The following ARHGAP30 variants were observed in gnomAD, a reference collection of about 807,000 sequenced individuals.
The protein encoded by ARHGAP30 is Rho GTPase activating protein 30.
ARHGAP30 carries 23 observed loss-of-function variants against 72.0 expected under a neutral mutation model. The observed-to-expected ratio is 0.32, with a 90% confidence interval of 0.23 to 0.45. The LOEUF is 0.45. Ranked by LOEUF, ARHGAP30 falls within the 20% of genes least tolerant of loss-of-function variation. The pLI is 1.00. For synonymous variants in ARHGAP30, 576 were observed against 528.2 expected (o/e 1.09, Z -1.24); for missense variants, 1,319 against 1,383.4 (o/e 0.95, Z 0.74).
At chr1:161,057,112 T>C (rs1156759289) in intron 2 of ARHGAP30, among the ~76,000 whole-genome samples, 1 of 151,988 alleles carries the variant, frequency 6.6e-6, no homozygotes, top group African/African-American at 2.4e-5. Context: ...ATTCCAAACA[T>C]ATAAAGAACT....
At position 161,052,885 on chromosome 1, in the gene ARHGAP30, A is replaced by G. The variant is rs190058148; in HGVS notation, c.665-88T>C. 616 of 1,485,014 alleles carry G rather than the reference A, an allele frequency of 4.1e-4. 1 individual carries two copies. The African/African-American group carries it at 7.9e-3, about 19-fold the overall frequency. 92.0% of individuals were successfully genotyped at this position (1,485,014 alleles called of 1,614,324 possible). ...AATCCTTCATCACCCCTCGCCAACT[A>G]CCAGGTTAGGGATATATTCAGAAGC... On this transcript the variant is annotated intron_variant, in intron 6 of 11. Coordinates refer to ENST00000368013, the MANE Select transcript of ARHGAP30 (RefSeq NM_001025598.2).
Position 161,052,271 on chromosome 1 carries a change from CA to C in ARHGAP30, c.1018+14del. 6.2e-7 allele frequency: 1 copy of C among 1,613,554 alleles called. No homozygotes were observed. The highest frequency in any genetic ancestry group is 1.1e-5 in the South Asian group (1 of 91,078). On this transcript the variant is annotated intron_variant, in intron 9 of 11. Transcript: ENST00000368013. ...GCACACACACATACACACAGAAATG[CA>C]CCCCTATACTCACCATCACTGGCCC...
rs1372143239 is a variant in ARHGAP30, at chr1:161,069,362, C to A, written c.97+166G>T. ...GAGCCGCCCTGCCTTCTTCACTGAGCCACATTTCCTGTCTTGCCCACTTAC... is the reference window on the plus strand; with the variant it reads ...GAGCCGCCCTGCCTTCTTCACTGAGACACATTTCCTGTCTTGCCCACTTAC... On this transcript the variant is annotated intron_variant, in intron 1 of 11. Transcript: ENST00000368013. The surrounding 1 kb of genome is among the most constrained non-coding windows in gnomAD (Gnocchi z 4.9). Among the ~76,000 whole-genome samples the A allele has an allele frequency of 6.6e-6, 1 of 152,144 alleles. No homozygotes were observed. Among genetic ancestry groups the A allele is most frequent in the Non-Finnish European group, 1.5e-5 (1 of 68,012 alleles).
At position 161,055,940 on chromosome 1, in the gene ARHGAP30, ATAAAATAAAATAAAAT is replaced by A. The variant is rs1319427219; in HGVS notation, c.345+432_345+447del. The stretch of plus-strand genomic sequence containing the variant: ...TAAAATAAAATAAAATAAAATAAAT[ATAAAATAAAATAAAAT>A]ACCAAAGATGTTCAACGCATAATTA... On this transcript the variant is annotated intron_variant, in intron 3 of 11. Transcript: ENST00000368013. Among the ~76,000 whole-genome samples the A allele has an allele frequency of 5.5e-3, 556 of 100,872 alleles. 32 individuals are homozygous for A. The highest frequency in any genetic ancestry group is 0.032 in the African/African-American group (459 of 14,430). The allele number at this position is 100,872 out of a possible 152,430, so 66.2% of individuals were successfully genotyped here.
At chr1:161,067,462 CT>C (rs750957274) in intron 1 of ARHGAP30, among the ~76,000 whole-genome samples, 15 of 151,992 alleles carry the variant, frequency 9.9e-5, no homozygotes, top group African/African-American at 1.5e-4. Flanking sequence ...CCCAGCTACT[CT>C]GGAGGCTGAG....
Position 161,047,877 on chromosome 1 carries a change from G to T in ARHGAP30, c.3144C>A (p.Ser1048Arg), listed in dbSNP as rs1220142637. 7 of 1,611,720 alleles carry T rather than the reference G, an allele frequency of 4.3e-6. No homozygotes were observed. In the African/African-American group the frequency reaches 9.4e-5, roughly 22 times the overall value. ...MISAHSPRPL[S>R]CLELPSEGAE... is the part of the protein sequence containing the mutation. ...CACCTTCAGATGGGAGCTCCAGGCA[G>T]CTAAGGGGCCGAGGAGAATGGGCAG... Residue 1048 changes from serine (S) to arginine (R), a missense_variant, in exon 12 of 12, where the codon AGC becomes AGA. By Grantham distance (110) the Ser-to-Arg change is moderately radical. This residue lies in a region of ARHGAP30 where 1,097 missense variants were observed against 1,045.2 expected (regional missense o/e 1.05). Coordinates refer to ENST00000368013, the MANE Select transcript of ARHGAP30 (RefSeq NM_001025598.2).
Position 161,054,613 on chromosome 1 carries a change from T to C in ARHGAP30, c.428+10A>G. The stretch of plus-strand genomic sequence containing the variant: ...CTCAGGTTGCTGGGCAGATATGGAG[T>C]GTCACATACCTGTAGTTTGGGACAG... On this transcript the variant is annotated intron_variant, in intron 4 of 11. Coordinates refer to ENST00000368013, the MANE Select transcript of ARHGAP30 (RefSeq NM_001025598.2). The C allele has an allele frequency of 6.2e-7, 1 of 1,613,334 alleles. No homozygotes were observed. The highest frequency in any genetic ancestry group is 8.5e-7 in the Non-Finnish European group (1 of 1,179,446).
In ARHGAP30 at chr1:161,048,827, T is replaced by C. The variant is rs1226374326; in HGVS notation, c.2194A>G (p.Lys732Glu). ...TCTCCTCCTGGTTCCTCCACACCTT[T>C]AGCCTCCATACTGTCAGCCTTCTTC... ...GQKKADSMEAKGVEEPGGDEY... is the reference protein window; with the variant it reads ...GQKKADSMEAEGVEEPGGDEY... Residue 732 changes from lysine (K) to glutamate (E), a missense_variant, in exon 12 of 12, where the codon AAA (lysine) becomes GAA (glutamate). Around this residue, in one of 2 missense-constraint regions of ARHGAP30, gnomAD observed 1,097 missense variants for 1,045.2 expected, o/e 1.05. Coordinates refer to ENST00000368013, the MANE Select transcript of ARHGAP30 (RefSeq NM_001025598.2). 6.2e-7 allele frequency: 1 copy of C among 1,614,166 alleles called. No individual in the cohort carries two copies. The highest frequency in any genetic ancestry group is 8.5e-7 in the Non-Finnish European group (1 of 1,180,036).
In ARHGAP30 at chr1:161,047,674, G is replaced by A. The variant is rs1442203767; in HGVS notation, c.*41C>T. 6.7e-7 allele frequency: 1 copy of A among 1,492,716 alleles called. No individual in the cohort carries two copies. Among genetic ancestry groups the A allele is most frequent in the Non-Finnish European group, 8.9e-7 (1 of 1,120,842 alleles). 92.5% of individuals were successfully genotyped at this position (1,492,716 alleles called of 1,614,324 possible). On this transcript the variant is annotated 3_prime_UTR_variant, in exon 12 of 12. Coordinates refer to ENST00000368013, the MANE Select transcript of ARHGAP30 (RefSeq NM_001025598.2). The stretch of plus-strand genomic sequence containing the variant: ...CTAGTCAGGAACCCTGGAGATTCAA[G>A]ACAACTTGCTGGTCCCCTTTGCCCA...
At chr1:161,055,608 G>C (rs917993360) in intron 3 of ARHGAP30, among the ~76,000 whole-genome samples, 2 of 151,650 alleles carry the variant, frequency 1.3e-5, no homozygotes, top group African/African-American at 4.8e-5. Context: ...TGGCCAACAT[G>C]GTGAAACCCT....
chr1:161,052,449 C>T lies in ARHGAP30; in HGVS notation c.931G>A (p.Glu311Lys). The stretch of plus-strand genomic sequence containing the variant: ...ATCTCCCCAGACTTACCCCTGTCCT[C>T]AGCCCCCCGTGGAAGTTTACGCTTA... The part of the protein sequence containing the change: ...ETKRKLPRGA[E>K]DREDKSNKGT... Residue 311 changes from glutamate (E) to lysine (K), a missense_variant, in exon 8 of 12, where the codon GAG becomes AAG. By Grantham distance (56) the Glu-to-Lys change is moderately conservative (BLOSUM62 1). Coordinates refer to ENST00000368013, the MANE Select transcript of ARHGAP30 (RefSeq NM_001025598.2). The T allele has an allele frequency of 6.2e-7, 1 of 1,613,886 alleles. No homozygotes were observed. Among genetic ancestry groups the T allele is most frequent in the Non-Finnish European group, 8.5e-7 (1 of 1,180,004 alleles).
intron 1 of ARHGAP30, among the ~76,000 whole-genome samples, chr1:161,062,387 A>C (rs982450605): frequency 1.3e-5 from 2 of 152,088 alleles, no homozygotes; most frequent in Admixed American, 1.3e-4. Context: ...CCGTGCCTGG[A>C]ATTACCCTCC....
intron 1 of ARHGAP30, among the ~76,000 whole-genome samples, chr1:161,068,787 C>T (rs991221873): frequency 4.6e-5 from 7 of 152,130 alleles, no homozygotes; most frequent in African/African-American, 1.4e-4. Context: ...AGGGAGGGAG[C>T]TGGGTGAGCT....
At chr1:161,062,708 G>A (rs1025111269) in intron 1 of ARHGAP30, among the ~76,000 whole-genome samples, 1 of 151,220 alleles carries the variant, frequency 6.6e-6, no homozygotes, top group Admixed American at 6.6e-5. Context: ...CAGCCTGGGG[G>A]ACAGAGTGAG....
chr1:161,048,505 TC>T lies in ARHGAP30; in HGVS notation c.2515del (p.Glu839ArgfsTer18). On this transcript the variant is annotated frameshift_variant, in exon 12 of 12. Coordinates refer to ENST00000368013, the MANE Select transcript of ARHGAP30 (RefSeq NM_001025598.2). LOFTEE classifies it high-confidence loss of function. Reference protein sequence around the residue: ...GGAGEVSKERESGDGEAEGDQ... With the variant: ...GGAGEVSKERXSGDGEAEGDQ... Reference sequence around the variant, plus strand: ...TCCCTCAGCCTCTCCATCCCCACTCTCCCGTTCCTTGCTGACCTCCCCTGCT... The same window carrying T: ...TCCCTCAGCCTCTCCATCCCCACTCTCCGTTCCTTGCTGACCTCCCCTGCT... The T allele has an allele frequency of 1.2e-6, 2 of 1,614,024 alleles. No individual in the cohort carries two copies. Among genetic ancestry groups the T allele is most frequent in the Non-Finnish European group, 1.7e-6 (2 of 1,179,986 alleles).
At position 161,064,640 on chromosome 1, in the gene ARHGAP30, C is replaced by A. The variant is rs1007941799; in HGVS notation, c.97+4888G>T. ...GGGCATGGTGGCTCACACCTGTAGT[C>A]CCAGCTACTCAGGAGGCTAAAGCAG... On this transcript the variant is annotated intron_variant, in intron 1 of 11. Transcript: ENST00000368013. Among the ~76,000 whole-genome samples, 4 of 151,992 alleles carry A rather than the reference C, an allele frequency of 2.6e-5. No homozygotes were observed. The East Asian group carries it at 7.7e-4, about 29-fold the overall frequency.
chr1:161,066,668 A>C (rs1206979523), intron 1 of ARHGAP30, among the ~76,000 whole-genome samples: 1 of 136,770 alleles, frequency 7.3e-6, no homozygotes, highest in Non-Finnish European at 1.6e-5. Context: ...AAAAAAAAAA[A>C]AAAAGGCACC....
At chr1:161,064,841 GAA>G (rs1464280514) in intron 1 of ARHGAP30, among the ~76,000 whole-genome samples, 5 of 107,970 alleles carry the variant, frequency 4.6e-5, no homozygotes, top group Non-Finnish European at 9.2e-5. Context: ...GAGAAAGAAA[GAA>G]AGAAAGGAAA....
In ARHGAP30 at chr1:161,048,467, C is replaced by A; in HGVS notation, c.2554G>T (p.Gly852Ter). The change falls in exon 12 of 12, where the codon GGA becomes TGA. Residue 852 changes from glycine (G) to a stop codon, truncating the protein, a stop_gained. Coordinates refer to ENST00000368013, the MANE Select transcript of ARHGAP30 (RefSeq NM_001025598.2). LOFTEE classifies it high-confidence loss of function. ...GTGTCCTCTTCTAAATAGTACCCTC[C>A]AGCCCTCTGGTCTCCCTCAGCCTCT... ...DGEAEGDQRA[G>*]GYYLEEDTLS... 1 of 1,614,148 alleles carries A rather than the reference C, an allele frequency of 6.2e-7. No individual in the cohort carries two copies. The highest frequency in any genetic ancestry group is 8.5e-7 in the Non-Finnish European group (1 of 1,180,020).
Sources: allele counts gnomAD v4.1 joint callset (sites outside exome capture counted in the v4.1 genomes callset), GRCh38; gene constraint gnomAD v4.1.1; regional missense constraint gnomAD v4.1.1; non-coding constraint Gnocchi (gnomAD v3.1); transcripts MANE v1.5; gene names NCBI Gene and HGNC (gene_info 2026-07-23, HGNC 2026-07-21).